Variants in ANKRD55 observed in about 807,000 individuals in gnomAD.
ANKRD55 encodes ankyrin repeat domain 55, also known as ankyrin repeat domain-containing protein 55.
ANKRD55 carries 41 observed loss-of-function variants against 60.6 expected under a neutral mutation model. The observed-to-expected ratio is 0.68, with a 90% CI of 0.53 to 0.88. ANKRD55 has a LOEUF of 0.88. Ranked by LOEUF, ANKRD55 falls within the 40% of genes least tolerant of loss-of-function variation. The probability of loss-of-function intolerance (pLI) is 0.00; values close to 1 mark genes in which losing one functional copy is unlikely to be tolerated. For missense variants in ANKRD55, 732 were observed against 767.6 expected (o/e 0.95, Z 0.55); for synonymous variants, 264 against 290.3 (o/e 0.91, Z 0.92).
chr5:56,221,997 G>A (rs566092222), intron 2 of ANKRD55, among the ~76,000 whole-genome samples: 2 of 152,356 alleles, frequency 1.3e-5, no homozygotes, highest in East Asian at 3.9e-4. Flanking sequence ...GAAGAGAGTA[G>A]TGGTTCTCCC....
chr5:56,200,901 C>A (rs549200470), intron 2 of ANKRD55, among the ~76,000 whole-genome samples: 34 of 152,308 alleles, frequency 2.2e-4, no homozygotes, highest in African/African-American at 8.2e-4. Flanking sequence ...ACAGAGGACT[C>A]TGAAGCTCTT....
chr5:56,116,598 G>T lies in ANKRD55; in HGVS notation c.965+17C>A, dbSNP rs764564217. Reference sequence around the variant, plus strand: ...GTTGAGAAGAATAGAAAAATAACTGGCTCCTGTTGTACTCACCTGCTCTCT... The same window carrying T: ...GTTGAGAAGAATAGAAAAATAACTGTCTCCTGTTGTACTCACCTGCTCTCT... On this transcript the variant is annotated intron_variant, in intron 9 of 11. Transcript: ENST00000341048. 6.8e-7 allele frequency: 1 copy of T among 1,461,158 alleles called. No individual in the cohort carries two copies. The highest frequency in any genetic ancestry group is 1.5e-5 in the South Asian group (1 of 67,390). The allele number at this position is 1,461,158 out of a possible 1,614,324, so 90.5% of individuals were successfully genotyped here.
At chr5:56,220,643 GTC>G (rs1219132308) in intron 2 of ANKRD55, among the ~76,000 whole-genome samples, 2 of 152,128 alleles carry the variant, frequency 1.3e-5, no homozygotes, top group Non-Finnish European at 2.9e-5. Context: ...GTGAAACCCT[GTC>G]TCTACAAAAA....
chr5:56,198,008 T>C (rs1226016203), intron 2 of ANKRD55, among the ~76,000 whole-genome samples: 1 of 152,224 alleles, frequency 6.6e-6, no homozygotes, highest in Admixed American at 6.5e-5. Context: ...CATTAGACTA[T>C]TATTCTTTGA....
chr5:56,120,653 A>T (rs1757017927), intron 8 of ANKRD55, among the ~76,000 whole-genome samples: 1 of 152,144 alleles, frequency 6.6e-6, no homozygotes, highest in Admixed American at 6.5e-5. Context: ...TAATCCCACC[A>T]CTTTGGGAGG....
At position 56,135,288 on chromosome 5, in the gene ANKRD55, C is replaced by CTTGCTTTCT. The variant is rs1561263938; in HGVS notation, c.613-8183_613-8182insAGAAAGCAA. On this transcript the variant is annotated intron_variant, in intron 7 of 11. Transcript: ENST00000341048. Reference sequence around the variant, plus strand: ...TTTCCCTCCCTCCCTCCCTGCCTGCCTGCTTGCTTTCTTTCTTTCTTTCTT... The same window carrying CTTGCTTTCT: ...TTTCCCTCCCTCCCTCCCTGCCTGCCTTGCTTTCTTGCTTGCTTTCTTTCTTTCTTTCTT... Among the ~76,000 whole-genome samples the CTTGCTTTCT allele has an allele frequency of 3.2e-5, 3 of 93,044 alleles. No individual in the cohort carries two copies. In the South Asian group the frequency reaches 1.3e-3, roughly 39 times the overall value. 61.0% of individuals were successfully genotyped at this position (93,044 alleles called of 152,430 possible).
At chr5:56,153,721 C>T (rs1675971264) in intron 6 of ANKRD55, among the ~76,000 whole-genome samples, 1 of 151,708 alleles carries the variant, frequency 6.6e-6, no homozygotes, top group Non-Finnish European at 1.5e-5. Context: ...CCTGTAATCC[C>T]AGCTACTCGG....
rs71578616 is a variant in ANKRD55, at chr5:56,173,541, C to CCTCT, written c.312+2607_312+2610dup. On this transcript the variant is annotated intron_variant, in intron 4 of 11. Coordinates refer to ENST00000341048, the MANE Select transcript of ANKRD55 (RefSeq NM_024669.3). ...ATAATACGTTAAATGTAGAGATTCG[C>CCTCT]CTCTCTCTCTCTCTCTCTCTCTCTC... is the stretch of plus-strand genomic sequence containing the variant. 1.9e-3 allele frequency among the ~76,000 whole-genome samples: 117 copies of CCTCT among 61,530 alleles called. 1 individual carries two copies. Among genetic ancestry groups the CCTCT allele is most frequent in the African/African-American group, 2.8e-3 (46 of 16,592 alleles). 40.4% of individuals were successfully genotyped at this position (61,530 alleles called of 152,430 possible).
intron 2 of ANKRD55, among the ~76,000 whole-genome samples, chr5:56,218,236 T>G (rs1759870378): frequency 6.6e-6 from 1 of 152,228 alleles, no homozygotes; most frequent in Admixed American, 6.5e-5. Flanking sequence ...ATTTAGTTGA[T>G]AAAGTAGTGG....
chr5:56,221,873 G>A (rs529506727), intron 2 of ANKRD55, among the ~76,000 whole-genome samples: 87 of 152,336 alleles, frequency 5.7e-4, no homozygotes, highest in African/African-American at 1.9e-3. Flanking sequence ...GGAGCCCACC[G>A]CAGTTCAAGG....
rs574699114 is a variant in ANKRD55 at position 56,162,136 on chromosome 5, T to C, written c.423-2243A>G. 17 of 570,196 alleles carry C rather than the reference T, an allele frequency of 3.0e-5. No individual in the cohort carries two copies. In the South Asian group the frequency reaches 4.6e-4, roughly 15 times the overall value. 35.3% of individuals were successfully genotyped at this position (570,196 alleles called of 1,614,324 possible). ...AGCTGTGGTCCAGTGTGGTTATCCT[T>C]GGTTACTCCTGAGCAGACAGAGATT... On this transcript the variant is annotated intron_variant, in intron 5 of 11. Coordinates refer to ENST00000341048, the MANE Select transcript of ANKRD55 (RefSeq NM_024669.3).
rs557026638 is a variant in ANKRD55, at chr5:56,108,655, G to A, written c.1630+2463C>T. 2.6e-5 allele frequency among the ~76,000 whole-genome samples: 4 copies of A among 152,300 alleles called. No individual in the cohort carries two copies. The South Asian group carries it at 8.3e-4, about 32-fold the overall frequency. ...CTTCAGGCACTGGGCACATGTCAAA[G>A]GGTGAAGAGAGTCAAAATCAACTGC... On this transcript the variant is annotated intron_variant, in intron 10 of 11. Coordinates refer to ENST00000341048, the MANE Select transcript of ANKRD55 (RefSeq NM_024669.3).
At chr5:56,189,003 A>G (rs1341365666) in intron 2 of ANKRD55, among the ~76,000 whole-genome samples, 1 of 152,108 alleles carries the variant, frequency 6.6e-6, no homozygotes, top group African/African-American at 2.4e-5. Context: ...TGTCATATTG[A>G]GGTCTATGGT....
intron 2 of ANKRD55, chr5:56,192,719 C>CCTTT (rs1187077328): frequency 1.4e-5 from 19 of 1,371,630 alleles, no homozygotes; most frequent in Non-Finnish European, 2.0e-5. Flanking sequence ...TGGACAGAAT[C>CCTTT]ATCTAGGAGG....
intron 5 of ANKRD55, among the ~76,000 whole-genome samples, chr5:56,166,650 GA>G (rs34270576): frequency 7.3e-5 from 11 of 150,184 alleles, no homozygotes; most frequent in Admixed American, 6.0e-4. Flanking sequence ...ACACGGGCAG[GA>G]AAAAAAAAGA....
intron 3 of ANKRD55, among the ~76,000 whole-genome samples, chr5:56,180,098 T>C (rs1467019587): frequency 6.6e-6 from 1 of 152,188 alleles, no homozygotes; most frequent in Non-Finnish European, 1.5e-5. Flanking sequence ...TGCAGAGTCC[T>C]GAGGTGGTAC....
chr5:56,100,426 C>T, intron 11 of ANKRD55, 122 bp from the exon 12 acceptor site: 1 of 1,183,144 alleles, frequency 8.5e-7, no homozygotes, highest in Non-Finnish European at 1.2e-6. Context: ...TTGGTGAGAG[C>T]TAGACTGCAG....
At chr5:56,230,798 C>T (rs186301267) in intron 2 of ANKRD55, among the ~76,000 whole-genome samples, 1 of 152,134 alleles carries the variant, frequency 6.6e-6, no homozygotes, top group Non-Finnish European at 1.5e-5. Flanking sequence ...CAGCACTAAG[C>T]CCTCATTTGA....
In ANKRD55 at chr5:56,116,704, G is replaced by T. The variant is rs1357076328; in HGVS notation, c.876C>A (p.Asn292Lys). The T allele has an allele frequency of 1.2e-6, 2 of 1,613,982 alleles. No individual in the cohort carries two copies. The highest frequency in any genetic ancestry group is 1.7e-6 in the Non-Finnish European group (2 of 1,179,982). The change falls in exon 9 of 12, where the codon AAC becomes AAA. Residue 292 changes from asparagine (N) to lysine (K), a missense_variant. Around this residue, in one of 3 missense-constraint regions of ANKRD55, gnomAD observed 597 missense variants for 607.5 expected, o/e 0.98. Transcript: ENST00000341048. ...QSLLELGMDS[N>K]LRDINESTPL... The stretch of plus-strand genomic sequence containing the variant: ...GCGTGCTCTCATTGATGTCCCGCAG[G>T]TTGCTGTCCATTCCCAACTCCAGCA...
Sources: gnomAD v4.1 joint callset for allele counts (sites outside exome capture counted in the v4.1 genomes callset) on GRCh38, gnomAD v4.1.1 for gene constraint, gnomAD v4.1.1 regional missense constraint, MANE v1.5 for transcripts, NCBI Gene and HGNC (gene_info 2026-07-23, HGNC 2026-07-21) for gene names.